USP40: variants seen among roughly 807,000 people sequenced by gnomAD.
The protein encoded by USP40 is ubiquitin carboxyl-terminal hydrolase 40.
A neutral mutation model predicts 166.2 loss-of-function variants in USP40; 143 were observed. That is an observed-to-expected ratio of 0.86 (90% confidence interval 0.75 to 0.99). The LOEUF (loss-of-function observed/expected upper bound fraction) is 0.99. Among genes scored for constraint, USP40 ranks in the 50% least tolerant of loss-of-function variants. The pLI is 0.00. For missense variants in USP40, 1,444 were observed against 1,479.7 expected (o/e 0.98, Z 0.40); for synonymous variants, 498 against 524.0 (o/e 0.95, Z 0.68).
Position 233,527,420 on chromosome 2 carries a change from T to A in USP40, c.1712A>T (p.Gln571Leu). The A allele has an allele frequency of 6.2e-7, 1 of 1,612,462 alleles. No homozygotes were observed. The highest frequency in any genetic ancestry group is 8.5e-7 in the Non-Finnish European group (1 of 1,179,630). The change falls in exon 13 of 32, where the codon CAG becomes CTG. Residue 571 changes from glutamine (Q) to leucine (L), a missense_variant. Transcript: ENST00000678225. ...DKRKTLGDLR[Q>L]SIFQLLEFWE... ...AGGCGATATTACCTGAAATATTGAC[T>A]GCCGGAGATCTCCTAAAGTTTTTCT...
intron 9 of USP40, 87 bp from the exon 10 acceptor site, chr2:233,540,856 C>T: frequency 1.2e-6 from 1 of 859,270 alleles, no homozygotes; most frequent in South Asian, 1.7e-5. Flanking sequence ...CAGGATTATA[C>T]CTAATTAAAT....
At chr2:233,479,344 C>T (rs2064385465) in intron 31 of USP40, among the ~76,000 whole-genome samples, 2 of 152,186 alleles carry the variant, frequency 1.3e-5, no homozygotes, top group Admixed American at 6.5e-5. Context: ...GCGGGCTGAT[C>T]ACAAGGTCAA....
chr2:233,481,411 CATAAA>C, intron 30 of USP40, 114 bp from the exon 31 acceptor site: 5 of 913,606 alleles, frequency 5.5e-6, no homozygotes, highest in Non-Finnish European at 8.3e-6. Flanking sequence ...TTCAAATTTA[CATAAA>C]CTAGGTGAAT....
intron 27 of USP40, 115 bp from the exon 28 acceptor site, chr2:233,488,419 T>A: frequency 1.1e-6 from 1 of 936,272 alleles, no homozygotes; most frequent in African/African-American, 1.7e-5. Flanking sequence ...TCTGAGTACT[T>A]ATAAGAACAC....
Position 233,477,518 on chromosome 2 carries a change from A to G in USP40, c.3600-15T>C, listed in dbSNP as rs1370509916. On this transcript the variant is annotated splice_polypyrimidine_tract_variant and intron_variant, in intron 31 of 31. Transcript: ENST00000678225. ...GGGCTTCTTGGCTGCAGAGACACAGACACTGTCATTGACTCATGGATGCAG... is the reference window on the plus strand; with the variant it reads ...GGGCTTCTTGGCTGCAGAGACACAGGCACTGTCATTGACTCATGGATGCAG... 1 of 1,608,464 alleles carries G rather than the reference A, an allele frequency of 6.2e-7. No homozygotes were observed. Among genetic ancestry groups the G allele is most frequent in the South Asian group, 1.1e-5 (1 of 90,580 alleles).
rs541762297 is a variant in USP40, at chr2:233,508,645, G to GA, written c.2613+1403dup. On this transcript the variant is annotated intron_variant, in intron 21 of 31. Transcript: ENST00000678225. ...TAGGTTCATTAATTTATTAGGAGTTGAAAAAATGTAAAATTCTAAAATGCC... is the reference window on the plus strand; with the variant it reads ...TAGGTTCATTAATTTATTAGGAGTTGAAAAAAATGTAAAATTCTAAAATGCC... 4.6e-5 allele frequency among the ~76,000 whole-genome samples: 7 copies of GA among 151,930 alleles called. No homozygotes were observed. The South Asian group carries it at 1.5e-3, about 32-fold the overall frequency.
chr2:233,482,416 A>G (rs939264000), intron 30 of USP40, among the ~76,000 whole-genome samples: 2 of 151,912 alleles, frequency 1.3e-5, no homozygotes, highest in African/African-American at 4.8e-5. Flanking sequence ...ATTACCTGTA[A>G]TGCTTCAGTG....
chr2:233,560,999 T>C, intron 3 of USP40: 1 of 864,520 alleles, frequency 1.2e-6, no homozygotes, highest in Non-Finnish European at 1.9e-6. Context: ...GGAAGGCAAA[T>C]TCCATTACCC....
At chr2:233,538,237 G>A (rs963550514) in intron 10 of USP40, among the ~76,000 whole-genome samples, 1 of 152,034 alleles carries the variant, frequency 6.6e-6, no homozygotes, top group Admixed American at 6.6e-5. Context: ...AAGAATAGAG[G>A]AGAAATAGAA....
intron 12 of USP40, among the ~76,000 whole-genome samples, chr2:233,528,830 A>G (rs1439956038): frequency 6.6e-6 from 1 of 152,138 alleles, no homozygotes; most frequent in Non-Finnish European, 1.5e-5. Flanking sequence ...CCAATACCCT[A>G]TTGACCCTAA....
At chr2:233,564,515 C>T (rs1015767628) in intron 2 of USP40, among the ~76,000 whole-genome samples, 4 of 152,046 alleles carry the variant, frequency 2.6e-5, no homozygotes, top group Non-Finnish European at 5.9e-5. Context: ...ATCAAGGGTC[C>T]AGTAAGGTCA....
intron 5 of USP40, among the ~76,000 whole-genome samples, chr2:233,555,207 C>G (rs534210768): frequency 3.3e-5 from 5 of 152,070 alleles, no homozygotes; most frequent in Non-Finnish European, 5.9e-5. Context: ...AAAAGAATTA[C>G]GTTAAGCTAG....
chr2:233,496,631 G>T, intron 24 of USP40, 127 bp downstream of exon 24: 1 of 537,758 alleles, frequency 1.9e-6, no homozygotes, highest in Non-Finnish European at 3.1e-6. Context: ...ATAGCATTTG[G>T]GGAAAGTTCT....
At chr2:233,485,726 C>T (rs375362377) in intron 29 of USP40, 41 bp downstream of exon 29, 17 of 1,607,438 alleles carry the variant, frequency 1.1e-5, no homozygotes, top group African/African-American at 5.3e-5. Flanking sequence ...ATTGCTATGC[C>T]GGTAAGCCCC....
rs893937513 is a variant in USP40 at position 233,533,681 on chromosome 2, T to C, written c.1269A>G (p.Gln423=). ...TCTTGAAAATTTGCTGGTCATTCCT[T>C]TGGAAATCAGACTCAGCCTGGAGAG... The part of the protein sequence containing the change: ...NSSLQAESDF[Q]RNDQQIFKML... Residue 423 remains glutamine, a synonymous_variant, in exon 11 of 32, where the codon CAA becomes CAG. Coordinates refer to ENST00000678225, the MANE Select transcript of USP40 (RefSeq NM_001365479.2). The C allele has an allele frequency of 1.1e-5, 18 of 1,613,656 alleles. No homozygotes were observed. The highest frequency in any genetic ancestry group is 1.4e-5 in the Non-Finnish European group (17 of 1,179,810).
At chr2:233,491,652 A>G in intron 25 of USP40, among the ~76,000 whole-genome samples, 1 of 151,566 alleles carries the variant, frequency 6.6e-6, no homozygotes, top group East Asian at 1.9e-4. Flanking sequence ...GTCTGTGTGC[A>G]GGCGTTTAAT....
At chr2:233,533,079 A>G (rs1239738634) in intron 11 of USP40, among the ~76,000 whole-genome samples, 4 of 151,408 alleles carry the variant, frequency 2.6e-5, no homozygotes, top group Non-Finnish European at 5.9e-5. Context: ...TAAAAGAATC[A>G]GGAAAATAAA....
chr2:233,496,710 G>A lies in USP40; in HGVS notation c.2790+48C>T, dbSNP rs748232601. The A allele has an allele frequency of 2.7e-6, 4 of 1,501,984 alleles. No individual in the cohort carries two copies. The African/African-American group carries it at 4.2e-5, about 16-fold the overall frequency. 93.0% of individuals were successfully genotyped at this position (1,501,984 alleles called of 1,614,324 possible). A position where few individuals can be genotyped will look rare whatever the true frequency, so the allele number is the denominator to read the frequency against. On this transcript the variant is annotated intron_variant, in intron 24 of 31. Coordinates refer to ENST00000678225, the MANE Select transcript of USP40 (RefSeq NM_001365479.2). Reference sequence around the variant, plus strand: ...TGAGGCTGTATCATCTCTGTAATCAGATAACAATTATTACTTAAGAGTTGT... The same window carrying A: ...TGAGGCTGTATCATCTCTGTAATCAAATAACAATTATTACTTAAGAGTTGT...
At position 233,533,254 on chromosome 2, in the gene USP40, C is replaced by T. The variant is rs181488881; in HGVS notation, c.1471+225G>A. On this transcript the variant is annotated intron_variant, in intron 11 of 31. Coordinates refer to ENST00000678225, the MANE Select transcript of USP40 (RefSeq NM_001365479.2). ...CCAATTTTGAAAATGTAATGATGAT[C>T]TTACATTATTACAGGGTAGAAAATT... Among the ~76,000 whole-genome samples, 958 of 152,176 alleles carry T rather than the reference C, an allele frequency of 6.3e-3. 5 individuals carry two copies. Among genetic ancestry groups the T allele is most frequent in the Non-Finnish European group, 0.011 (780 of 68,026 alleles).
Sources: gnomAD v4.1 joint callset for allele counts (sites outside exome capture counted in the v4.1 genomes callset) on GRCh38, gnomAD v4.1.1 for gene constraint, MANE v1.5 for transcripts, NCBI Gene and HGNC (gene_info 2026-07-23, HGNC 2026-07-21) for gene names.